Variants in KLHL1 observed in about 807,000 individuals in gnomAD.
KLHL1 encodes the protein kelch-like protein 1.
Under a neutral mutation model 77.7 loss-of-function variants are expected in KLHL1, and 47 were observed. The ratio of observed to expected loss-of-function variants is 0.60; its 90% CI spans 0.48 to 0.77. The LOEUF (loss-of-function observed/expected upper bound fraction) is 0.77. Among genes scored for constraint, KLHL1 ranks in the 30% least tolerant of loss-of-function variants. KLHL1 has a pLI of 0.00. For missense variants in KLHL1, 925 were observed against 910.8 expected, an observed-to-expected ratio of 1.02 and a Z score of -0.20; for synonymous variants, 360 against 325.2, an observed-to-expected ratio of 1.11 and a Z score of -1.15.
chr13:69,867,840 T>C (rs967190015), intron 5 of KLHL1, among the ~76,000 whole-genome samples: 31 of 108,832 alleles, frequency 2.8e-4, no homozygotes, highest in Middle Eastern at 0.015. Flanking sequence ...CATCACACAC[T>C]GGGGCCTGTT....
At chr13:69,928,400 T>A (rs1039306546) in intron 4 of KLHL1, among the ~76,000 whole-genome samples, 2 of 152,226 alleles carry the variant, frequency 1.3e-5, no homozygotes, top group Admixed American at 1.3e-4. Flanking sequence ...GCCGTATGAA[T>A]AAACCTCTTT....
At chr13:69,844,576 T>C (rs1421053431) in intron 5 of KLHL1, among the ~76,000 whole-genome samples, 1 of 151,676 alleles carries the variant, frequency 6.6e-6, no homozygotes, top group Non-Finnish European at 1.5e-5. Context: ...ATAGCATTAC[T>C]GTGGGGGTTA....
At chr13:69,914,175 G>C (rs1882338612) in intron 4 of KLHL1, among the ~76,000 whole-genome samples, 1 of 152,092 alleles carries the variant, frequency 6.6e-6, no homozygotes, top group Non-Finnish European at 1.5e-5. Context: ...GATCCTGTGA[G>C]TCAACAGTGC....
chr13:69,777,141 G>T (rs1875872163), intron 7 of KLHL1, among the ~76,000 whole-genome samples: 1 of 151,884 alleles, frequency 6.6e-6, no homozygotes, highest in African/African-American at 2.4e-5. Context: ...CCCTGCACAT[G>T]CTCTCTTGTC....
chr13:69,960,526 C>A (rs1006667965), intron 3 of KLHL1, among the ~76,000 whole-genome samples: 3 of 151,952 alleles, frequency 2.0e-5, no homozygotes, highest in South Asian at 2.1e-4. Flanking sequence ...AAAGTGTAAA[C>A]CCTGATAATG....
rs150388870 is a variant in KLHL1 at position 69,778,051 on chromosome 13, AAT to A, written c.1639+18685_1639+18686del. 2.8e-3 allele frequency among the ~76,000 whole-genome samples: 420 copies of A among 152,068 alleles called. 4 individuals are homozygous for A. Among genetic ancestry groups the A allele is most frequent in the African/African-American group, 8.5e-3 (354 of 41,548 alleles). Reference sequence around the variant, plus strand: ...TTAAGATAATTATAAAAATGTATAAAATAGAGATGGATATATCTGATTAAAAA... The same window carrying A: ...TTAAGATAATTATAAAAATGTATAAAAGAGATGGATATATCTGATTAAAAA... On this transcript the variant is annotated intron_variant, in intron 7 of 10. Transcript: ENST00000377844.
chr13:69,786,553 C>T (rs1876559975), intron 7 of KLHL1, among the ~76,000 whole-genome samples: 1 of 152,150 alleles, frequency 6.6e-6, no homozygotes, highest in Non-Finnish European at 1.5e-5. Flanking sequence ...CAATATCGTA[C>T]TGAATGGGCA....
At chr13:70,071,857 C>T (rs1887145364) in intron 1 of KLHL1, among the ~76,000 whole-genome samples, 1 of 151,906 alleles carries the variant, frequency 6.6e-6, no homozygotes, top group African/African-American at 2.4e-5. Flanking sequence ...GGAAGTATGT[C>T]TATAAAGACC....
At chr13:69,877,440 A>G (rs2138187286) in intron 5 of KLHL1, among the ~76,000 whole-genome samples, 1 of 152,126 alleles carries the variant, frequency 6.6e-6, no homozygotes, top group South Asian at 2.1e-4. Context: ...AGTAAATCAA[A>G]TCAGGTATCC....
In KLHL1 at chr13:69,987,443, C is replaced by G. The variant is rs144746373; in HGVS notation, c.498-11641G>C. Among the ~76,000 whole-genome samples, 727 of 151,922 alleles carry G rather than the reference C, an allele frequency of 4.8e-3. 4 individuals carry two copies. Among genetic ancestry groups the G allele is most frequent in the African/African-American group, 0.017 (694 of 41,448 alleles). ...TCCTTTATTTATATTTTCAGCTATT[C>G]AATAAAAATCAGCTTTTTTTCTGCC... On this transcript the variant is annotated intron_variant, in intron 1 of 10. Transcript: ENST00000377844.
At chr13:69,895,838 G>C (rs7995799) in intron 4 of KLHL1, among the ~76,000 whole-genome samples, 135,168 of 151,752 alleles carry the variant, frequency 0.89, 61,041 homozygotes, top group South Asian at 0.98. Flanking sequence ...TCCATAGTAG[G>C]TGAGACTACA....
chr13:69,875,984 A>G (rs763521733), intron 5 of KLHL1, among the ~76,000 whole-genome samples: 2 of 152,146 alleles, frequency 1.3e-5, no homozygotes, highest in Non-Finnish European at 2.9e-5. Context: ...AAAAGTAACA[A>G]TGATTGTTAA....
In KLHL1 at chr13:70,104,885, G is replaced by A. The variant is rs563830748; in HGVS notation, c.497+2318C>T. 2.0e-5 allele frequency among the ~76,000 whole-genome samples: 3 copies of A among 152,114 alleles called. No homozygotes were observed. The South Asian group carries it at 6.2e-4, about 32-fold the overall frequency. ...TTCAGTATTTTACTTTGGAAATGCTGTCTTTTCTGGGCAGTGACTCCTACT... is the reference window on the plus strand; with the variant it reads ...TTCAGTATTTTACTTTGGAAATGCTATCTTTTCTGGGCAGTGACTCCTACT... On this transcript the variant is annotated intron_variant, in intron 1 of 10. Transcript: ENST00000377844.
chr13:69,827,635 T>A (rs1454370206), intron 6 of KLHL1, among the ~76,000 whole-genome samples: 1 of 146,326 alleles, frequency 6.8e-6, no homozygotes. Context: ...GAGGCTGAGG[T>A]AGGGGAATCT....
chr13:70,023,955 T>C (rs914336440), intron 1 of KLHL1, among the ~76,000 whole-genome samples: 3 of 151,910 alleles, frequency 2.0e-5, no homozygotes, highest in Admixed American at 6.6e-5. Context: ...TAGAAACGTA[T>C]ATAGTTTTTC....
intron 4 of KLHL1, among the ~76,000 whole-genome samples, chr13:69,922,196 C>G (rs1244805829): frequency 6.6e-6 from 1 of 152,074 alleles, no homozygotes. Flanking sequence ...ATTCTCCTGC[C>G]TTGGCCTGCC....
chr13:69,999,647 A>G (rs1439149719), intron 1 of KLHL1, among the ~76,000 whole-genome samples: 1 of 152,032 alleles, frequency 6.6e-6, no homozygotes, highest in East Asian at 1.9e-4. Context: ...GGAAACCAGG[A>G]GACTGACTGG....
Position 69,813,503 on chromosome 13 carries a change from C to CACACACACATATAT in KLHL1, c.1415-16542_1415-16541insATATATGTGTGTGT, listed in dbSNP as rs34163072. On this transcript the variant is annotated intron_variant, in intron 6 of 10. Coordinates refer to ENST00000377844, the MANE Select transcript of KLHL1 (RefSeq NM_020866.3). ...ACATACACACACACACACACACACA[C>CACACACACATATAT]ATATATATATATATAAAGACCCTAG... Among the ~76,000 whole-genome samples, 649 of 148,740 alleles carry CACACACACATATAT rather than the reference C, an allele frequency of 4.4e-3. 9 individuals carry two copies. Among genetic ancestry groups the CACACACACATATAT allele is most frequent in the African/African-American group, 0.015 (614 of 40,066 alleles).
chr13:69,701,844 A>C, intron 10 of KLHL1, 83 bp from the exon 11 acceptor site: 1 of 989,392 alleles, frequency 1.0e-6, no homozygotes, highest in Non-Finnish European at 1.5e-6. Context: ...TATCTACATG[A>C]AAATCATAAA....
Sources: allele counts gnomAD v4.1 joint callset (sites outside exome capture counted in the v4.1 genomes callset), GRCh38; gene constraint gnomAD v4.1.1; transcripts MANE v1.5; gene names NCBI Gene and HGNC (gene_info 2026-07-23, HGNC 2026-07-21).